PTPN5: variants seen among roughly 807,000 people sequenced by gnomAD.
PTPN5 encodes protein tyrosine phosphatase non-receptor type 5, also known as tyrosine-protein phosphatase non-receptor type 5.
Under a neutral mutation model 73.9 loss-of-function variants are expected in PTPN5, and 29 were observed. The observed-to-expected ratio is 0.39, with a 90% CI of 0.29 to 0.54. The LOEUF (loss-of-function observed/expected upper bound fraction) is 0.54. PTPN5 is among the 20% of genes least tolerant of loss of function. The pLI, the probability that PTPN5 is intolerant of heterozygous loss-of-function variation, is 0.65. For missense variants in PTPN5, 652 were observed against 751.4 expected, an observed-to-expected ratio of 0.87 and a Z score of 1.55; for synonymous variants, 267 against 304.7, an observed-to-expected ratio of 0.88 and a Z score of 1.29.
At chr11:18,735,883 T>C (rs1163022230) in intron 9 of PTPN5, among the ~76,000 whole-genome samples, 5 of 151,802 alleles carry the variant, frequency 3.3e-5, no homozygotes, top group South Asian at 2.1e-4. Flanking sequence ...TTGGTGACAA[T>C]GGTAGAAGAT....
chr11:18,739,863 T>A (rs1849285997), intron 8 of PTPN5, among the ~76,000 whole-genome samples: 1 of 152,154 alleles, frequency 6.6e-6, no homozygotes, highest in Non-Finnish European at 1.5e-5. Flanking sequence ...AGGAAAGAAT[T>A]ATAGGGGTGC....
chr11:18,759,334 C>T (rs946588513), intron 3 of PTPN5, among the ~76,000 whole-genome samples: 1 of 152,160 alleles, frequency 6.6e-6, no homozygotes, highest in South Asian at 2.1e-4. Context: ...TATTACTACC[C>T]TTATTCTAGA....
intron 4 of PTPN5, chr11:18,743,760 C>G (rs1000937549): frequency 7.0e-6 from 4 of 569,830 alleles, no homozygotes; most frequent in African/African-American, 5.7e-5. Flanking sequence ...GCTCAGGGGT[C>G]GGGGAGGCCC....
chr11:18,762,697 G>T (rs2134288721), intron 3 of PTPN5, among the ~76,000 whole-genome samples: 1 of 152,270 alleles, frequency 6.6e-6, no homozygotes, highest in Admixed American at 6.5e-5. Context: ...TACAGCATTT[G>T]CTATATGCCA....
chr11:18,729,611 G>T lies in PTPN5; in HGVS notation c.1491-45C>A, dbSNP rs534734058. 1.6e-4 allele frequency: 253 copies of T among 1,563,546 alleles called. 3 individuals are homozygous for T. In the South Asian group the frequency reaches 2.6e-3, roughly 16 times the overall value. ...GTGGGGTGAGGGGCAGGGCAGCCCA[G>T]CGGGTGGGGGGCTGCCCCGCTCCAG... On this transcript the variant is annotated intron_variant, in intron 13 of 14. Transcript: ENST00000358540. This position sits in a 1 kb window ranked among gnomAD's most constrained non-coding sequence, Gnocchi z 5.2.
chr11:18,754,746 C>T (rs563068110), intron 3 of PTPN5, among the ~76,000 whole-genome samples: 2 of 152,350 alleles, frequency 1.3e-5, no homozygotes, highest in African/African-American at 4.8e-5. Context: ...CATACTCTTG[C>T]CTCACTGAGA....
At chr11:18,767,776 T>C (rs1051205819) in intron 2 of PTPN5, among the ~76,000 whole-genome samples, 2 of 152,220 alleles carry the variant, frequency 1.3e-5, no homozygotes, top group Admixed American at 6.5e-5. Flanking sequence ...CTTATTGTAC[T>C]TAGAACAAAG....
chr11:18,746,151 T>TTATAAA lies in PTPN5; in HGVS notation c.98-1958_98-1953dup, dbSNP rs1416862737. Among the ~76,000 whole-genome samples the TTATAAA allele has an allele frequency of 1.0e-3, 102 of 97,214 alleles. 1 individual carries two copies. The highest frequency in any genetic ancestry group is 3.0e-3 in the African/African-American group (89 of 29,946). The allele number at this position is 97,214 out of a possible 152,430, so 63.8% of individuals were successfully genotyped here. A position where few individuals can be genotyped will look rare whatever the true frequency, so the allele number is the denominator to read the frequency against. ...TAATAATACATACTTTGAAAAGCTGTTATAAATATAAATATATATATATAT... is the reference window on the plus strand; with the variant it reads ...TAATAATACATACTTTGAAAAGCTGTTATAAATATAAATATAAATATATATATATAT... On this transcript the variant is annotated intron_variant, in intron 3 of 14. Transcript: ENST00000358540.
chr11:18,737,825 G>T, intron 9 of PTPN5, 55 bp downstream of exon 9: 1 of 1,480,302 alleles, frequency 6.8e-7, no homozygotes, highest in Non-Finnish European at 9.5e-7. Context: ...AGGGTGAGGG[G>T]ATCCCCAGGT....
intron 3 of PTPN5, among the ~76,000 whole-genome samples, chr11:18,753,977 C>T (rs1016201739): frequency 1.3e-5 from 2 of 152,110 alleles, no homozygotes; most frequent in African/African-American, 2.4e-5. Flanking sequence ...TCTGCAAGGG[C>T]GCATGGCAAC....
At chr11:18,783,329 G>A (rs1458664645) in intron 1 of PTPN5, among the ~76,000 whole-genome samples, 1 of 152,190 alleles carries the variant, frequency 6.6e-6, no homozygotes, top group Non-Finnish European at 1.5e-5. Flanking sequence ...CTGGAAGCAG[G>A]GCTGAACGCT....
At position 18,728,554 on chromosome 11, in the gene PTPN5, C is replaced by T. The variant is rs117284170; in HGVS notation, c.*380G>A. The stretch of plus-strand genomic sequence containing the variant: ...TTCCTGGCTGAGGAGACACAGTGTC[C>T]GGTACAGAGGGCAGAGATGGATGGA... On this transcript the variant is annotated 3_prime_UTR_variant, in exon 15 of 15. Transcript: ENST00000358540. This position sits in a 1 kb window ranked among gnomAD's most constrained non-coding sequence, Gnocchi z 4.1. The T allele has an allele frequency of 1.2e-3, 209 of 176,494 alleles. 2 individuals are homozygous for T. The East Asian group carries it at 0.025, about 21-fold the overall frequency. 10.9% of individuals were successfully genotyped at this position (176,494 alleles called of 1,614,324 possible).
intron 11 of PTPN5, among the ~76,000 whole-genome samples, chr11:18,732,916 G>C (rs1278705521): frequency 6.6e-6 from 1 of 152,188 alleles, no homozygotes; most frequent in Non-Finnish European, 1.5e-5. Context: ...CCATCTGAAG[G>C]ACTTTTATGG....
intron 3 of PTPN5, among the ~76,000 whole-genome samples, chr11:18,750,122 C>T (rs1849821116): frequency 6.6e-6 from 1 of 152,192 alleles, no homozygotes; most frequent in Admixed American, 6.5e-5. Context: ...TGCCCCAGGT[C>T]CACAGCCAGC....
At chr11:18,772,823 G>T (rs12575115) in intron 1 of PTPN5, among the ~76,000 whole-genome samples, 35 of 152,188 alleles carry the variant, frequency 2.3e-4, no homozygotes, top group Non-Finnish European at 4.4e-4. Context: ...GGGGGATGTA[G>T]GTAAGAAGAA....
At chr11:18,756,319 C>CA (rs1297848749) in intron 3 of PTPN5, among the ~76,000 whole-genome samples, 1 of 117,118 alleles carries the variant, frequency 8.5e-6, no homozygotes, top group African/African-American at 3.3e-5. Context: ...TTTTTTGAGA[C>CA]AGATTCTCAC....
chr11:18,730,252 G>A, intron 12 of PTPN5: 1 of 325,500 alleles, frequency 3.1e-6, no homozygotes, highest in Non-Finnish European at 5.6e-6. Flanking sequence ...GCTGCAATTA[G>A]TGCTGCAAGT....
At position 18,742,335 on chromosome 11, in the gene PTPN5, C is replaced by G. The variant is rs1849401521; in HGVS notation, c.652G>C (p.Asp218His). The change falls in exon 7 of 15, where the codon GAT becomes CAT. Residue 218 changes from aspartate to histidine, a missense_variant. Physicochemically the swap from Asp to His is moderately conservative, Grantham distance 81 (BLOSUM62 -1). Around this residue, in one of 3 missense-constraint regions of PTPN5, gnomAD observed 529 missense variants for 573.9 expected, o/e 0.92. Transcript: ENST00000358540. The surrounding 1 kb of genome is among the most constrained non-coding windows in gnomAD (Gnocchi z 4.1). ...TCAGGCTTGATGTCCATCACACAAT[C>G]AAACACAGGAGTCTCGGGCACCGGG... is the stretch of plus-strand genomic sequence containing the variant. ...LDPVPETPVF[D>H]CVMDIKPEAD... The G allele has an allele frequency of 6.2e-7, 1 of 1,614,144 alleles. No homozygotes were observed. The highest frequency in any genetic ancestry group is 1.3e-5 in the African/African-American group (1 of 75,020).
intron 9 of PTPN5, among the ~76,000 whole-genome samples, chr11:18,735,114 G>C (rs950848369): frequency 6.6e-6 from 1 of 152,176 alleles, no homozygotes; most frequent in Non-Finnish European, 1.5e-5. Context: ...CCAACACGAA[G>C]TATCAGTTGC....
Sources: gnomAD v4.1 joint callset for allele counts (sites outside exome capture counted in the v4.1 genomes callset) on GRCh38, gnomAD v4.1.1 for gene constraint, gnomAD v4.1.1 regional missense constraint, Gnocchi (gnomAD v3.1) non-coding constraint, MANE v1.5 for transcripts, NCBI Gene and HGNC (gene_info 2026-07-23, HGNC 2026-07-21) for gene names.